Variants in PLCE1 observed in about 807,000 individuals in gnomAD.
PLCE1 encodes the protein 1-phosphatidylinositol 4,5-bisphosphate phosphodiesterase epsilon-1.
A neutral mutation model predicts 242.8 loss-of-function variants in PLCE1; 119 were observed. The observed-to-expected ratio is 0.49, with a 90% confidence interval of 0.42 to 0.57. The LOEUF is 0.57. PLCE1 is among the 20% of genes least tolerant of loss of function. The probability of loss-of-function intolerance (pLI) is 0.00; values close to 1 mark genes in which losing one functional copy is unlikely to be tolerated. For missense variants in PLCE1, 2,441 were observed against 2,788.8 expected, an observed-to-expected ratio of 0.88 and a Z score of 2.81; for synonymous variants, 945 against 1,017.4, an observed-to-expected ratio of 0.93 and a Z score of 1.35.
chr10:94,235,802 A>G, intron 6 of PLCE1, 113 bp from the exon 7 acceptor site: 1 of 1,450,834 alleles, frequency 6.9e-7, no homozygotes, highest in Non-Finnish European at 9.4e-7. Flanking sequence ...TTTCTTTCCC[A>G]TAAAATAGGC....
At chr10:94,257,740 G>T (rs1039371909) in intron 11 of PLCE1, among the ~76,000 whole-genome samples, 2 of 152,168 alleles carry the variant, frequency 1.3e-5, no homozygotes, top group African/African-American at 4.8e-5. Context: ...TTGGACACAG[G>T]GCGGGGAATA....
At chr10:94,193,104 C>T (rs565538323) in intron 4 of PLCE1, among the ~76,000 whole-genome samples, 1 of 152,296 alleles carries the variant, frequency 6.6e-6, no homozygotes, top group East Asian at 1.9e-4. Context: ...AAATACTTAT[C>T]ATCTGGCCCT....
Position 94,328,774 on chromosome 10 carries a change from T to C in PLCE1, c.*831T>C, listed in dbSNP as rs925774242. On this transcript the variant is annotated 3_prime_UTR_variant, in exon 33 of 33. Transcript: ENST00000371380. Reference sequence around the variant, plus strand: ...GATTTTTTTACATATAGAAATAATATTGGGTTTTTTTTAAGGTTATTGCCT... The same window carrying C: ...GATTTTTTTACATATAGAAATAATACTGGGTTTTTTTTAAGGTTATTGCCT... The C allele has an allele frequency of 6.6e-6, 1 of 152,190 alleles. No homozygotes were observed. The highest frequency in any genetic ancestry group is 2.4e-5 in the African/African-American group (1 of 41,452). The allele number at this position is 152,190 out of a possible 1,614,324, so 9.4% of individuals were successfully genotyped here. A position where few individuals can be genotyped will look rare whatever the true frequency, so the allele number is the denominator to read the frequency against.
At chr10:94,013,133 C>A (rs1361979752) in intron 1 of PLCE1, among the ~76,000 whole-genome samples, 1 of 152,218 alleles carries the variant, frequency 6.6e-6, no homozygotes, top group African/African-American at 2.4e-5. Context: ...AGTTTGCCTT[C>A]CTGGCAGATC....
At chr10:94,177,359 G>A (rs1223975165) in intron 4 of PLCE1, among the ~76,000 whole-genome samples, 1 of 152,104 alleles carries the variant, frequency 6.6e-6, no homozygotes, top group Non-Finnish European at 1.5e-5. Context: ...GCACACACTA[G>A]AGAAACTTCT....
At chr10:94,007,256 A>G (rs1454514943) in intron 1 of PLCE1, among the ~76,000 whole-genome samples, 5 of 148,338 alleles carry the variant, frequency 3.4e-5, no homozygotes, top group Non-Finnish European at 6.0e-5. Context: ...TGTAGCTCCA[A>G]GGAAAGGCTG....
rs575613361 is a variant in PLCE1, at chr10:94,265,887, G to A, written c.4210G>A (p.Glu1404Lys). 1.8e-5 allele frequency: 29 copies of A among 1,613,906 alleles called. No individual in the cohort carries two copies. Among genetic ancestry groups the A allele is most frequent in the Admixed American group, 1.7e-5 (1 of 59,992 alleles). Residue 1404 changes from glutamate to lysine, a missense_variant, in exon 16 of 33, where the codon GAA becomes AAA. Physicochemically the swap from Glu to Lys is moderately conservative, Grantham distance 56. This residue lies in a region of PLCE1 where 1,004 missense variants were observed against 1,322.7 expected (regional missense o/e 0.76). Transcript: ENST00000371380. ...LQLPLSYYYIESSHNTYLTGH... is the reference protein window; with the variant it reads ...LQLPLSYYYIKSSHNTYLTGH... The stretch of plus-strand genomic sequence containing the variant: ...GCTACCCCTCTCATACTATTACATC[G>A]AATCTTCGCACAATACCTACCTCAC...
chr10:94,009,691 C>T (rs1196725435), intron 1 of PLCE1, among the ~76,000 whole-genome samples: 1 of 152,156 alleles, frequency 6.6e-6, no homozygotes, highest in East Asian at 1.9e-4. Context: ...GAGAAATTGG[C>T]CCAAAGAAAG....
At chr10:94,107,713 T>A (rs773951812) in intron 2 of PLCE1, 1 of 152,072 alleles carries the variant, frequency 6.6e-6, no homozygotes, top group Non-Finnish European at 1.5e-5. Context: ...ACATTCACAT[T>A]GAGGTCAAGG....
intron 4 of PLCE1, among the ~76,000 whole-genome samples, chr10:94,190,187 G>T (rs374910353): frequency 6.6e-6 from 1 of 152,198 alleles, no homozygotes; most frequent in Admixed American, 6.5e-5. Context: ...GGCTGAGGTG[G>T]GAGGATGGCT....
intron 1 of PLCE1, among the ~76,000 whole-genome samples, chr10:94,006,825 C>G (rs1050030210): frequency 6.6e-6 from 1 of 152,150 alleles, no homozygotes; most frequent in Non-Finnish European, 1.5e-5. Flanking sequence ...CTCAAAATGA[C>G]TGTGGCAGGC....
intron 29 of PLCE1, among the ~76,000 whole-genome samples, chr10:94,317,593 C>A (rs1171885814): frequency 6.6e-6 from 1 of 152,146 alleles, no homozygotes; most frequent in Admixed American, 6.5e-5. Flanking sequence ...AGAATAATAT[C>A]TTGGCCTGAG....
chr10:94,171,491 A>G lies in PLCE1; in HGVS notation c.1804A>G (p.Asn602Asp), dbSNP rs61751495. Residue 602 changes from asparagine (N) to aspartate (D), a missense_variant, in exon 4 of 33, where the codon AAT becomes GAT. Asn to Asp is a conservative substitution (Grantham distance 23, BLOSUM62 1). Around this residue, in one of 5 missense-constraint regions of PLCE1, gnomAD observed 733 missense variants for 754.2 expected, o/e 0.97. Transcript: ENST00000371380. ...NALEDLVMRF[N>D]EVSSWVTWLI... is the part of the protein sequence containing the mutation. ...CCTTGAAGATCTGGTGATGAGGTTT[A>G]ATGAGGTAAGAAGCCACTTTTTGAT... The G allele has an allele frequency of 8.7e-6, 14 of 1,613,644 alleles. No homozygotes were observed. Among genetic ancestry groups the G allele is most frequent in the African/African-American group, 8.0e-5 (6 of 74,920 alleles).
chr10:93,997,546 G>A (rs1361290054), intron 1 of PLCE1, among the ~76,000 whole-genome samples: 1 of 151,500 alleles, frequency 6.6e-6, no homozygotes, highest in African/African-American at 2.4e-5. Flanking sequence ...GCCAGTCAAA[G>A]TGGGCTGTCT....
At chr10:94,129,406 A>T (rs2046528562) in intron 2 of PLCE1, among the ~76,000 whole-genome samples, 1 of 152,218 alleles carries the variant, frequency 6.6e-6, no homozygotes, top group Non-Finnish European at 1.5e-5. Flanking sequence ...TTAATATTCT[A>T]TTATGCAATG....
At chr10:94,183,612 G>A (rs917662930) in intron 4 of PLCE1, among the ~76,000 whole-genome samples, 6 of 152,110 alleles carry the variant, frequency 3.9e-5, no homozygotes, top group Non-Finnish European at 7.3e-5. Context: ...CATCTAAACT[G>A]TACTAGGCTA....
chr10:94,013,814 G>A (rs944300814), intron 1 of PLCE1, among the ~76,000 whole-genome samples: 1 of 152,216 alleles, frequency 6.6e-6, no homozygotes, highest in African/African-American at 2.4e-5. Context: ...TTTCTAAGGA[G>A]ATGACATTTG....
intron 2 of PLCE1, among the ~76,000 whole-genome samples, chr10:94,064,733 G>C (rs2044151885): frequency 6.6e-6 from 1 of 152,142 alleles, no homozygotes; most frequent in African/African-American, 2.4e-5. Context: ...TAAAAGTGCT[G>C]AGTACAGAAC....
chr10:94,163,042 C>CTTTTACA (rs2047669736), intron 3 of PLCE1, among the ~76,000 whole-genome samples: 1 of 152,104 alleles, frequency 6.6e-6, no homozygotes, highest in Admixed American at 6.5e-5. Flanking sequence ...AATTTCTGTT[C>CTTTTACA]TTTTACATTT....
Sources: allele counts gnomAD v4.1 joint callset (sites outside exome capture counted in the v4.1 genomes callset), GRCh38; gene constraint gnomAD v4.1.1; regional missense constraint gnomAD v4.1.1; transcripts MANE v1.5; gene names NCBI Gene and HGNC (gene_info 2026-07-23, HGNC 2026-07-21).